Variants in ADCY2 observed in about 807,000 individuals in gnomAD.
ADCY2 encodes the protein adenylate cyclase 2, also known as adenylate cyclase type 2.
ADCY2 carries 31 observed loss-of-function variants against 125.2 expected under a neutral mutation model. The ratio of observed to expected loss-of-function variants is 0.25; its 90% CI spans 0.19 to 0.33. The LOEUF (loss-of-function observed/expected upper bound fraction) is 0.33. Among genes scored for constraint, ADCY2 ranks in the 10% least tolerant of loss-of-function variants. The pLI is 1.00. For missense variants in ADCY2, 904 were observed against 1,418.2 expected (o/e 0.64, Z 5.82); for synonymous variants, 512 against 548.4 (o/e 0.93, Z 0.93).
intron 18 of ADCY2, among the ~76,000 whole-genome samples, chr5:7,776,147 G>T (rs1212145873): frequency 7.1e-6 from 1 of 140,864 alleles, no homozygotes; most frequent in Non-Finnish European, 1.5e-5. Context: ...CCTTTGCCTT[G>T]CTTATTGATG....
intron 2 of ADCY2, among the ~76,000 whole-genome samples, chr5:7,515,452 C>T (rs16878728): frequency 0.087 from 13,252 of 152,232 alleles, 676 homozygotes; most frequent in South Asian, 0.12. Context: ...GCTGAGAACA[C>T]GGGCTGCCCA....
intron 2 of ADCY2, among the ~76,000 whole-genome samples, chr5:7,441,248 T>TA (rs1242304406): frequency 6.6e-6 from 1 of 152,120 alleles, no homozygotes; most frequent in African/African-American, 2.4e-5. Flanking sequence ...GCAAGACTGA[T>TA]ACATGGGAGA....
chr5:7,501,902 G>A (rs1288074019), intron 2 of ADCY2, among the ~76,000 whole-genome samples: 4 of 152,052 alleles, frequency 2.6e-5, no homozygotes, highest in East Asian at 3.9e-4. Context: ...TTCAACACCC[G>A]GGCATCACAC....
rs574945608 is a variant in ADCY2 at position 7,761,460 on chromosome 5, T to G, written c.2094+3874T>G. Among the ~76,000 whole-genome samples the G allele has an allele frequency of 9.8e-5, 15 of 152,300 alleles. No homozygotes were observed. The South Asian group carries it at 2.1e-3, about 21-fold the overall frequency. ...CCATGCCCAGCCCAAAATTTCTTTA[T>G]CTAATCATCCATCAATAGATAGATT... On this transcript the variant is annotated intron_variant, in intron 16 of 24. Transcript: ENST00000338316.
chr5:7,793,462 C>A (rs1487042586), intron 20 of ADCY2, among the ~76,000 whole-genome samples: 1 of 152,044 alleles, frequency 6.6e-6, no homozygotes, highest in Non-Finnish European at 1.5e-5. Flanking sequence ...ACAACAACAA[C>A]AAAAAAGACA....
chr5:7,483,853 C>G (rs78465684), intron 2 of ADCY2, among the ~76,000 whole-genome samples: 1,912 of 152,286 alleles, frequency 0.013, 44 homozygotes, highest in African/African-American at 0.044. Flanking sequence ...CTCTATCAAG[C>G]CTTGCTAATC....
intron 2 of ADCY2, among the ~76,000 whole-genome samples, chr5:7,471,084 G>A (rs1006803445): frequency 6.6e-6 from 1 of 151,604 alleles, no homozygotes; most frequent in Non-Finnish European, 1.5e-5. Context: ...AGCCACTCTA[G>A]TTTTCTTTCA....
chr5:7,807,699 C>A lies in ADCY2; in HGVS notation c.2883+3007C>A, dbSNP rs115520090. On this transcript the variant is annotated intron_variant, in intron 22 of 24. Transcript: ENST00000338316. ...TGACCATTGGGCCAGACTTGGATCA[C>A]TTCCAGCTTCCTATAGACACCCTGC... Among the ~76,000 whole-genome samples the A allele has an allele frequency of 7.2e-3, 1,102 of 152,298 alleles. 13 individuals are homozygous for A. Among genetic ancestry groups the A allele is most frequent in the African/African-American group, 0.024 (1,009 of 41,564 alleles).
chr5:7,402,293 A>C (rs1739293026), intron 1 of ADCY2, among the ~76,000 whole-genome samples: 1 of 152,224 alleles, frequency 6.6e-6, no homozygotes, highest in Non-Finnish European at 1.5e-5. Context: ...GGTTTGGTCC[A>C]TTTGACAAAA....
At chr5:7,612,091 A>G (rs758330771) in intron 3 of ADCY2, among the ~76,000 whole-genome samples, 2 of 152,170 alleles carry the variant, frequency 1.3e-5, no homozygotes, top group Non-Finnish European at 2.9e-5. Flanking sequence ...TCCCTAAAAC[A>G]TAATAGTTTC....
chr5:7,679,353 G>C (rs2126712748), intron 4 of ADCY2, among the ~76,000 whole-genome samples: 1 of 152,274 alleles, frequency 6.6e-6, no homozygotes, highest in East Asian at 1.9e-4. Context: ...GGATGCCTGG[G>C]GTATATCATA....
intron 8 of ADCY2, 46 bp from the exon 9 acceptor site, chr5:7,707,660 A>T: frequency 1.2e-6 from 2 of 1,604,790 alleles, no homozygotes; most frequent in Non-Finnish European, 1.7e-6. Context: ...CTTTCTTCAC[A>T]CTTATCCTTT....
In ADCY2 at chr5:7,816,853, T is replaced by G. The variant is rs773308255; in HGVS notation, c.2884-13T>G. 1 of 1,609,872 alleles carries G rather than the reference T, an allele frequency of 6.2e-7. No individual in the cohort carries two copies. On this transcript the variant is annotated splice_polypyrimidine_tract_variant and intron_variant, in intron 22 of 24. Coordinates refer to ENST00000338316, the MANE Select transcript of ADCY2 (RefSeq NM_020546.3). ...GCTCTAACTTCCATCTGCCTGTGTG[T>G]GTTTGTTCTCAGGAGCCCGAGCGGC...
At chr5:7,413,481 G>A (rs1320368977) in intron 1 of ADCY2, among the ~76,000 whole-genome samples, 1 of 151,480 alleles carries the variant, frequency 6.6e-6, no homozygotes, top group African/African-American at 2.4e-5. Flanking sequence ...TGTATTTTTA[G>A]TAGAGACTGG....
At chr5:7,607,830 A>G (rs1211187853) in intron 3 of ADCY2, among the ~76,000 whole-genome samples, 1 of 152,316 alleles carries the variant, frequency 6.6e-6, no homozygotes, top group African/African-American at 2.4e-5. Context: ...TAAACTAAGA[A>G]GGCCATATTT....
intron 3 of ADCY2, among the ~76,000 whole-genome samples, chr5:7,529,883 G>C (rs1734587434): frequency 6.6e-6 from 1 of 152,134 alleles, no homozygotes; most frequent in Non-Finnish European, 1.5e-5. Context: ...TCAGTTCCAG[G>C]GTGTCTGTGA....
intron 11 of ADCY2, among the ~76,000 whole-genome samples, chr5:7,713,337 A>G (rs1741497389): frequency 6.6e-6 from 1 of 151,560 alleles, no homozygotes; most frequent in Non-Finnish European, 1.5e-5. Context: ...CTAAAAATAC[A>G]AAAAAAATTA....
At chr5:7,682,293 G>A (rs1004333759) in intron 4 of ADCY2, among the ~76,000 whole-genome samples, 4 of 152,160 alleles carry the variant, frequency 2.6e-5, no homozygotes, top group African/African-American at 7.2e-5. Flanking sequence ...GTGCATTTCC[G>A]TGCAAAAGAA....
intron 2 of ADCY2, among the ~76,000 whole-genome samples, chr5:7,426,339 A>G (rs768590205): frequency 2.6e-5 from 4 of 152,160 alleles, no homozygotes; most frequent in Non-Finnish European, 5.9e-5. Flanking sequence ...TAAATAATAG[A>G]GATTTATTTC....
Sources: allele counts gnomAD v4.1 joint callset (sites outside exome capture counted in the v4.1 genomes callset), GRCh38; gene constraint gnomAD v4.1.1; transcripts MANE v1.5; gene names NCBI Gene and HGNC (gene_info 2026-07-23, HGNC 2026-07-21).